SPI1: variants seen among roughly 807,000 people sequenced by gnomAD.
The protein encoded by SPI1 is transcription factor PU.1.
Under a neutral mutation model 30.7 loss-of-function variants are expected in SPI1, and 3 were observed. The observed-to-expected ratio is 0.10, with a 90% CI of 0.04 to 0.25. SPI1 has a LOEUF of 0.25. Ranked by LOEUF, SPI1 falls within the 10% of genes least tolerant of loss-of-function variation. The pLI, the probability that SPI1 is intolerant of heterozygous loss-of-function variation, is 1.00. For missense variants in SPI1, 261 were observed against 371.5 expected, an observed-to-expected ratio of 0.70 and a Z score of 2.45; for synonymous variants, 169 against 157.1, an observed-to-expected ratio of 1.08 and a Z score of -0.56.
chr11:47,361,624 C>A (rs755962266), intron 2 of SPI1, among the ~76,000 whole-genome samples: 43 of 152,160 alleles, frequency 2.8e-4, no homozygotes, highest in Admixed American at 2.0e-3. Flanking sequence ...CCAAAGAGGG[C>A]GCCTACGAGA....
At chr11:47,364,580 C>A (rs1050501268) in intron 2 of SPI1, among the ~76,000 whole-genome samples, 2 of 152,152 alleles carry the variant, frequency 1.3e-5, no homozygotes, top group Non-Finnish European at 2.9e-5. Context: ...ATCAAACCCC[C>A]ATCCTTGAAC....
intron 2 of SPI1, among the ~76,000 whole-genome samples, chr11:47,365,270 C>T (rs926758325): frequency 6.6e-6 from 1 of 152,092 alleles, no homozygotes; most frequent in African/African-American, 2.4e-5. Flanking sequence ...CTCAGCTCCT[C>T]GAAAGAATAT....
chr11:47,358,143 C>T (rs1411885625), intron 4 of SPI1: 3 of 210,538 alleles, frequency 1.4e-5, no homozygotes, highest in Non-Finnish European at 3.0e-5. Context: ...TTACATACAC[C>T]CTCAAACATG....
rs1336536825 is a variant in SPI1 at position 47,355,419 on chromosome 11, C to T, written c.621G>A (p.Glu207=). The T allele has an allele frequency of 6.2e-6, 10 of 1,613,834 alleles. No individual in the cohort carries two copies. Among genetic ancestry groups the T allele is most frequent in the African/African-American group, 1.3e-5 (1 of 75,020 alleles). ...GGATGCCCCAGCGGTGCGCCAGCGC[C>T]TCCTTGTGCTTGGACGAGAACTGGA... ...GTFQFSSKHK[E]ALAHRWGIQK... Residue 207 remains glutamate (E), a synonymous_variant, in exon 5 of 5, where the codon GAG becomes GAA. Coordinates refer to ENST00000378538, the MANE Select transcript of SPI1 (RefSeq NM_003120.3).
At chr11:47,372,706 G>A (rs116148195) in intron 2 of SPI1, among the ~76,000 whole-genome samples, 258 of 152,240 alleles carry the variant, frequency 1.7e-3, no homozygotes, top group South Asian at 8.9e-3. Flanking sequence ...CTCCCCAGCC[G>A]CTTTGTCCCT....
Position 47,355,167 on chromosome 11 carries a change from C to A in SPI1, c.*60G>T. On this transcript the variant is annotated 3_prime_UTR_variant, in exon 5 of 5. Coordinates refer to ENST00000378538, the MANE Select transcript of SPI1 (RefSeq NM_003120.3). Reference sequence around the variant, plus strand: ...GCGTCCTCCCTGTGTCCGGGCCGGGCGAGGGCTTAATGCTATGGCCAGCGG... The same window carrying A: ...GCGTCCTCCCTGTGTCCGGGCCGGGAGAGGGCTTAATGCTATGGCCAGCGG... The A allele has an allele frequency of 8.0e-7, 1 of 1,243,586 alleles. No individual in the cohort carries two copies. Among genetic ancestry groups the A allele is most frequent in the South Asian group, 2.7e-5 (1 of 37,662 alleles). 77.0% of individuals were successfully genotyped at this position (1,243,586 alleles called of 1,614,324 possible). A position where few individuals can be genotyped will look rare whatever the true frequency, so the allele number is the denominator to read the frequency against.
intron 2 of SPI1, among the ~76,000 whole-genome samples, chr11:47,367,535 CAG>C (rs752008082): frequency 1.7e-4 from 21 of 122,646 alleles, no homozygotes; most frequent in Non-Finnish European, 3.1e-4. Context: ...GTCTGGGCGA[CAG>C]AGTGAGACTC....
intron 4 of SPI1, chr11:47,358,509 C>T (rs2095915514): frequency 3.0e-6 from 2 of 664,350 alleles, no homozygotes; most frequent in Admixed American, 2.0e-5. Context: ...CACACCCACT[C>T]ACACAGCCAC....
rs564695520 is a variant in SPI1 at position 47,374,995 on chromosome 11, C to CG, written c.142+637dup. Among the ~76,000 whole-genome samples, 41 of 152,322 alleles carry CG rather than the reference C, an allele frequency of 2.7e-4. No homozygotes were observed. In the South Asian group the frequency reaches 8.3e-3, roughly 31 times the overall value. ...CCCAATTAGGGGTGATTTTGCCTCC[C>CG]GGGGGGATCTGCCAATGGGTGGAGA... On this transcript the variant is annotated intron_variant, in intron 2 of 4. Transcript: ENST00000378538. The surrounding 1 kb of genome is among the most constrained non-coding windows in gnomAD (Gnocchi z 4.5).
intron 4 of SPI1, chr11:47,358,146 C>G (rs1180647032): frequency 4.6e-6 from 1 of 216,406 alleles, no homozygotes. Flanking sequence ...CATACACCCT[C>G]AAACATGTTC....
intron 2 of SPI1, among the ~76,000 whole-genome samples, chr11:47,367,282 G>A (rs746050530): frequency 2.0e-5 from 3 of 152,114 alleles, no homozygotes; most frequent in Non-Finnish European, 4.4e-5. Flanking sequence ...GGCCAAGCAT[G>A]GTGGCTTATG....
Position 47,355,250 on chromosome 11 carries a change from C to T in SPI1, c.790G>A (p.Glu264Lys). 6.9e-7 allele frequency: 1 copy of T among 1,451,788 alleles called. No homozygotes were observed. The highest frequency in any genetic ancestry group is 2.8e-5 in the East Asian group (1 of 36,128). The allele number at this position is 1,451,788 out of a possible 1,614,324, so 89.9% of individuals were successfully genotyped here. A position where few individuals can be genotyped will look rare whatever the true frequency, so the allele number is the denominator to read the frequency against. The stretch of plus-strand genomic sequence containing the variant: ...GCTCAGTGGGGCGGGTGGCGCCGCT[C>T]GGCCAGGCCCCCGCGGCCCAGCACT... ...GEVLGRGGLA[E>K]RRHPPH Residue 264 changes from glutamate (E) to lysine (K), a missense_variant, in exon 5 of 5, where the codon GAG becomes AAG. Physicochemically the swap from Glu to Lys is moderately conservative, Grantham distance 56. Coordinates refer to ENST00000378538, the MANE Select transcript of SPI1 (RefSeq NM_003120.3).
intron 4 of SPI1, among the ~76,000 whole-genome samples, chr11:47,356,305 A>G (rs114761007): frequency 0.013 from 1,852 of 147,334 alleles, 43 homozygotes; most frequent in African/African-American, 0.044. Flanking sequence ...CACATGTTCA[A>G]ACCCACACTG....
In SPI1 at chr11:47,359,741, TG is replaced by T; in HGVS notation, c.330+111del. On this transcript the variant is annotated intron_variant, in intron 3 of 4. Coordinates refer to ENST00000378538, the MANE Select transcript of SPI1 (RefSeq NM_003120.3). The surrounding 1 kb of genome is among the most constrained non-coding windows in gnomAD (Gnocchi z 5.1). ...GGAGCTCCAGCCGCCGTTGGCACTG[TG>T]GGGCAGGAAGCTGAGTTGGGTAAGA... 1 of 1,261,156 alleles carries T rather than the reference TG, an allele frequency of 7.9e-7. No homozygotes were observed. The allele number at this position is 1,261,156 out of a possible 1,614,324, so 78.1% of individuals were successfully genotyped here.
chr11:47,357,008 C>A (rs1451937528), intron 4 of SPI1, among the ~76,000 whole-genome samples: 1 of 150,760 alleles, frequency 6.6e-6, no homozygotes, highest in African/African-American at 2.5e-5. Context: ...ACACACACTT[C>A]CTCACACACC....
intron 2 of SPI1, among the ~76,000 whole-genome samples, chr11:47,360,336 C>T (rs61897391): frequency 0.092 from 14,033 of 152,182 alleles, 764 homozygotes; most frequent in Non-Finnish European, 0.12. Flanking sequence ...TCACACAGAC[C>T]GAGCGTCTAA....
Position 47,359,709 on chromosome 11 carries a change from AGCCGTTGGAGCTCCAGCC to A in SPI1, c.330+126_330+143del. On this transcript the variant is annotated intron_variant, in intron 3 of 4. Coordinates refer to ENST00000378538, the MANE Select transcript of SPI1 (RefSeq NM_003120.3). The surrounding 1 kb of genome is among the most constrained non-coding windows in gnomAD (Gnocchi z 5.1). The stretch of plus-strand genomic sequence containing the variant: ...GAGGTCACTTGGGGGGTCAGGCGGC[AGCCGTTGGAGCTCCAGCC>A]GCCGTTGGCACTGTGGGGCAGGAAG... 1 of 837,302 alleles carries A rather than the reference AGCCGTTGGAGCTCCAGCC, an allele frequency of 1.2e-6. No individual in the cohort carries two copies. 51.9% of individuals were successfully genotyped at this position (837,302 alleles called of 1,614,324 possible).
chr11:47,358,559 C>A, intron 4 of SPI1: 2 of 698,760 alleles, frequency 2.9e-6, no homozygotes, highest in Non-Finnish European at 5.2e-6. Context: ...CACACGCACC[C>A]TCTGCACACT....
Position 47,355,533 on chromosome 11 carries a change from C to A in SPI1, c.507G>T (p.Lys169Asn). ...LLPGETGSKKKIRLYQFLLDL... is the reference protein window; with the variant it reads ...LLPGETGSKKNIRLYQFLLDL... ...CCAACAGGAACTGGTACAGGCGGAT[C>A]TTCTTCTTGCTGCCTGCGGGGGGGA... Residue 169 changes from lysine to asparagine, a missense_variant, in exon 5 of 5, where the codon AAG becomes AAT. By Grantham distance (94) the Lys-to-Asn change is moderately conservative. Around this residue, in one of 5 missense-constraint regions of SPI1, gnomAD observed 43 missense variants for 123.8 expected, o/e 0.35. Transcript: ENST00000378538. 1 of 1,579,294 alleles carries A rather than the reference C, an allele frequency of 6.3e-7. No homozygotes were observed. The highest frequency in any genetic ancestry group is 8.6e-7 in the Non-Finnish European group (1 of 1,159,856).
Sources: gnomAD v4.1 joint callset for allele counts (sites outside exome capture counted in the v4.1 genomes callset) on GRCh38, gnomAD v4.1.1 for gene constraint, gnomAD v4.1.1 regional missense constraint, Gnocchi (gnomAD v3.1) non-coding constraint, MANE v1.5 for transcripts, NCBI Gene and HGNC (gene_info 2026-07-23, HGNC 2026-07-21) for gene names.